The following IRX4 variants were observed in gnomAD, a reference collection of about 807,000 sequenced individuals.
IRX4 encodes iroquois homeobox 4, also known as iroquois-class homeodomain protein IRX-4.
A neutral mutation model predicts 32.0 loss-of-function variants in IRX4; 22 were observed. The observed-to-expected ratio is 0.69, with a 90% CI of 0.49 to 0.98. The LOEUF (loss-of-function observed/expected upper bound fraction) is 0.98, where lower values mean the gene tolerates loss of function less well. Ranked by LOEUF, IRX4 falls within the 50% of genes least tolerant of loss-of-function variation. IRX4 has a pLI of 0.00. For missense variants in IRX4, 840 were observed against 744.2 expected (o/e 1.13, Z -1.50); for synonymous variants, 379 against 351.7 (o/e 1.08, Z -0.87).
upstream of IRX4, among the ~76,000 whole-genome samples, chr5:1,883,685 TCTC>T (rs1026143889): frequency 3.9e-5 from 6 of 152,036 alleles, no homozygotes; most frequent in Admixed American, 6.5e-5. Context: ...CGCCCCATCT[TCTC>T]CACCGCGGTC....
At position 1,882,465 on chromosome 5, in the gene IRX4, G is replaced by A. The variant is rs4975757; in HGVS notation, c.45+138C>T. 183,256 of 755,216 alleles carry A rather than the reference G, an allele frequency of 0.24. 23,025 individuals carry two copies. Among genetic ancestry groups the A allele is most frequent in the East Asian group, 0.35 (11,373 of 32,846 alleles). The allele number at this position is 755,216 out of a possible 1,614,324, so 46.8% of individuals were successfully genotyped here. On this transcript the variant is annotated intron_variant, in intron 1 of 4. Transcript: ENST00000231357. ...GGGGTTTGGGGAGCAGGGGTTGGGC[G>A]TGAGGGGCGCGCGACCCAGGCCTTG...
In IRX4 at chr5:1,877,472, C is replaced by A. The variant is rs552254782; in HGVS notation, c.*497G>T. On this transcript the variant is annotated 3_prime_UTR_variant, in exon 5 of 5. Transcript: ENST00000231357. ...GGTTTTGTTATATTAGCCTCTGAAGCAGGCAATTATTGGTGTGAACATACA... is the reference window on the plus strand; with the variant it reads ...GGTTTTGTTATATTAGCCTCTGAAGAAGGCAATTATTGGTGTGAACATACA... 108 of 154,522 alleles carry A rather than the reference C, an allele frequency of 7.0e-4. No individual in the cohort carries two copies. Among genetic ancestry groups the A allele is most frequent in the African/African-American group, 2.4e-3 (101 of 41,640 alleles). 9.6% of individuals were successfully genotyped at this position (154,522 alleles called of 1,614,324 possible).
chr5:1,877,954 C>A lies in IRX4; in HGVS notation c.*15G>T. On this transcript the variant is annotated 3_prime_UTR_variant, in exon 5 of 5. Transcript: ENST00000231357. ...CTGAGCGCGGGTTCCCTCCTGGGCT[C>A]GGGACCCGCCCGCCTCAGGCGCAGA... 1 of 1,490,906 alleles carries A rather than the reference C, an allele frequency of 6.7e-7. No homozygotes were observed. Among genetic ancestry groups the A allele is most frequent in the Non-Finnish European group, 8.9e-7 (1 of 1,124,526 alleles). 92.4% of individuals were successfully genotyped at this position (1,490,906 alleles called of 1,614,324 possible).
chr5:1,881,070 C>CGGGGGGGGGGGGGG (rs1342519574), intron 2 of IRX4: 29 of 93,630 alleles, frequency 3.1e-4, no homozygotes, highest in South Asian at 9.0e-4. Flanking sequence ...TGGGGGGGGG[C>CGGGGGGGGGGGGGG]GGGGGGGAGG....
Position 1,878,597 on chromosome 5 carries a change from C to G in IRX4, c.932G>C (p.Gly311Ala), listed in dbSNP as rs1437817876. 6.4e-7 allele frequency: 1 copy of G among 1,556,184 alleles called. No homozygotes were observed. The highest frequency in any genetic ancestry group is 8.7e-7 in the Non-Finnish European group (1 of 1,151,112). Residue 311 changes from glycine to alanine, a missense_variant, in exon 5 of 5, where the codon GGT (glycine) becomes GCT (alanine). Transcript: ENST00000231357. ...GTCCTCGTCCAGAGCAGCTCCGCCA[C>G]CCGCGGCCAGAGACATCCGGAGCGC... ...SGALRMSLAA[G>A]GGAALDEDLE...
chr5:1,878,272 G>A lies in IRX4; in HGVS notation c.1257C>T (p.Pro419=). The change falls in exon 5 of 5, where the codon CCC becomes CCT. Residue 419 remains proline (P), a synonymous_variant. Coordinates refer to ENST00000231357, the MANE Select transcript of IRX4 (RefSeq NM_016358.3). ...GGTGCCTGTCCAGGGCGCCAGAGTG[G>A]GGAAGGGCCACAGACGGGGACGTGG... ...APATSPSVAL[P]HSGALDRHQD... The A allele has an allele frequency of 6.2e-7, 1 of 1,601,872 alleles. No individual in the cohort carries two copies. Among genetic ancestry groups the A allele is most frequent in the South Asian group, 1.1e-5 (1 of 88,848 alleles).
In IRX4 at chr5:1,878,806, T is replaced by C. The variant is rs964841537; in HGVS notation, c.737-14A>G. On this transcript the variant is annotated splice_polypyrimidine_tract_variant and intron_variant, in intron 4 of 4. Coordinates refer to ENST00000231357, the MANE Select transcript of IRX4 (RefSeq NM_016358.3). Reference sequence around the variant, plus strand: ...TGCCCACGGGCTCTGCGGGAGAGAATGCGTGGCCAGTGGAGGGAGAGGGTT... The same window carrying C: ...TGCCCACGGGCTCTGCGGGAGAGAACGCGTGGCCAGTGGAGGGAGAGGGTT... The C allele has an allele frequency of 1.2e-5, 19 of 1,612,688 alleles. No individual in the cohort carries two copies. The highest frequency in any genetic ancestry group is 1.5e-5 in the Non-Finnish European group (18 of 1,179,504).
Position 1,882,820 on chromosome 5 carries a change from G to A in IRX4, c.-173C>T, listed in dbSNP as rs1345522955. The A allele has an allele frequency of 9.7e-6, 4 of 411,814 alleles. No individual in the cohort carries two copies. The highest frequency in any genetic ancestry group is 1.3e-5 in the Non-Finnish European group (3 of 229,882). 25.5% of individuals were successfully genotyped at this position (411,814 alleles called of 1,614,324 possible). On this transcript the variant is annotated 5_prime_UTR_variant, in exon 1 of 5. Coordinates refer to ENST00000231357, the MANE Select transcript of IRX4 (RefSeq NM_016358.3). ...CAAACTTTTCTAACCGGGTAACAAAGTGAGCAGCGGTGGCCGCCGCGATTC... is the reference window on the plus strand; with the variant it reads ...CAAACTTTTCTAACCGGGTAACAAAATGAGCAGCGGTGGCCGCCGCGATTC...
Position 1,879,700 on chromosome 5 carries a change from G to A in IRX4, c.540C>T (p.Ile180=), listed in dbSNP as rs943898609. The A allele has an allele frequency of 1.2e-6, 2 of 1,614,104 alleles. No individual in the cohort carries two copies. Among genetic ancestry groups the A allele is most frequent in the Non-Finnish European group, 1.7e-6 (2 of 1,180,042 alleles). ...CCTGTGTGAGGGTCATCTTGGTGAT[G>A]ATGGCCAGCATGATCTTCTCGCCCT... ...PTKGEKIMLA[I]ITKMTLTQVS... Residue 180 remains isoleucine, a synonymous_variant, in exon 4 of 5, where the codon ATC becomes ATT. Coordinates refer to ENST00000231357, the MANE Select transcript of IRX4 (RefSeq NM_016358.3).
upstream of IRX4, among the ~76,000 whole-genome samples, chr5:1,886,180 G>A (rs1301154361): frequency 1.3e-5 from 2 of 152,264 alleles, no homozygotes; most frequent in Non-Finnish European, 2.9e-5. Context: ...GACAGGCCGG[G>A]CCCTGACCCT....
upstream of IRX4, among the ~76,000 whole-genome samples, chr5:1,886,425 G>A (rs1735632711): frequency 6.6e-6 from 1 of 152,254 alleles, no homozygotes; most frequent in Non-Finnish European, 1.5e-5. Context: ...TGGGGTGTGG[G>A]TTTGAGAGGC....
chr5:1,885,101 A>C (rs1735586274), upstream of IRX4, among the ~76,000 whole-genome samples: 2 of 152,054 alleles, frequency 1.3e-5, no homozygotes, highest in African/African-American at 4.8e-5. Context: ...CCGCCGGCTG[A>C]GGGGGAGAGC....
In IRX4 at chr5:1,880,771, C is replaced by T. The variant is rs148912115; in HGVS notation, c.361G>A (p.Ala121Thr). The T allele has an allele frequency of 6.8e-5, 109 of 1,613,688 alleles. No individual in the cohort carries two copies. In the Admixed American group the frequency reaches 7.8e-4, roughly 12 times the overall value. ...AGAGCTGGCTCGTAAGGGTAGTAGG[C>T]GGCAGCGGCTGGTGCCAGGCCCCCA... Reference protein sequence around the residue: ...AHGGLAPAAAAYYPYEPALGQ... With the variant: ...AHGGLAPAAATYYPYEPALGQ... The change falls in exon 3 of 5, where the codon GCC becomes ACC. Residue 121 changes from alanine (A) to threonine (T), a missense_variant. Ala to Thr is a moderately conservative substitution (Grantham distance 58). Around this residue, in one of 3 missense-constraint regions of IRX4, gnomAD observed 241 missense variants for 220.8 expected, o/e 1.09. Transcript: ENST00000231357.
chr5:1,880,402 A>G (rs1169592834), intron 3 of IRX4, among the ~76,000 whole-genome samples: 1 of 152,212 alleles, frequency 6.6e-6, no homozygotes, highest in East Asian at 1.9e-4. Context: ...GGAGGTGCCC[A>G]GAGTCTGCAG....
At chr5:1,879,436 G>A in intron 4 of IRX4, 68 bp downstream of exon 4, 1 of 1,609,420 alleles carries the variant, frequency 6.2e-7, no homozygotes, top group East Asian at 2.2e-5. Context: ...AGACGTCCTA[G>A]AACCGCAGAG....
At chr5:1,878,883 C>A (rs2111435667) in intron 4 of IRX4, 91 bp from the exon 5 acceptor site, 1 of 1,382,496 alleles carries the variant, frequency 7.2e-7, no homozygotes, top group South Asian at 1.2e-5. Flanking sequence ...GGCCTGTTCC[C>A]GACGCTACGA....
upstream of IRX4, chr5:1,884,777 A>C (rs1735574620): frequency 6.6e-6 from 1 of 152,052 alleles, no homozygotes; most frequent in South Asian, 2.1e-4. Flanking sequence ...CTAGAAATGA[A>C]TCTCTCAACC....
chr5:1,878,566 C>T lies in IRX4; in HGVS notation c.963G>A (p.Glu321=), dbSNP rs1735299885. The T allele has an allele frequency of 1.3e-6, 2 of 1,545,694 alleles. No individual in the cohort carries two copies. Among genetic ancestry groups the T allele is most frequent in the Non-Finnish European group, 1.7e-6 (2 of 1,146,662 alleles). ...GGGAALDEDL[E]RARSCLRSAA... Reference sequence around the variant, plus strand: ...CGCTGCGGAGACAGCTCCGGGCCCTCTCCAGGTCCTCGTCCAGAGCAGCTC... The same window carrying T: ...CGCTGCGGAGACAGCTCCGGGCCCTTTCCAGGTCCTCGTCCAGAGCAGCTC... Residue 321 remains glutamate, a synonymous_variant, in exon 5 of 5, where the codon GAG becomes GAA. Transcript: ENST00000231357.
chr5:1,885,331 G>C (rs1735593981), upstream of IRX4, among the ~76,000 whole-genome samples: 1 of 152,132 alleles, frequency 6.6e-6, no homozygotes, highest in Non-Finnish European at 1.5e-5. Context: ...GGGCCCTTTC[G>C]GGGGCTTCCT....
Sources: gnomAD v4.1 joint callset for allele counts (sites outside exome capture counted in the v4.1 genomes callset) on GRCh38, gnomAD v4.1.1 for gene constraint, gnomAD v4.1.1 regional missense constraint, MANE v1.5 for transcripts, NCBI Gene and HGNC (gene_info 2026-07-23, HGNC 2026-07-21) for gene names.